Variants in CLYBL observed in about 807,000 individuals in gnomAD.
CLYBL encodes citramalyl-CoA lyase, also known as citramalyl-CoA lyase, mitochondrial.
A neutral mutation model predicts 38.9 loss-of-function variants in CLYBL; 31 were observed. The ratio of observed to expected loss-of-function variants is 0.80; its 90% CI spans 0.60 to 1.08. The LOEUF (loss-of-function observed/expected upper bound fraction) is 1.08, where lower values mean the gene tolerates loss of function less well. Among genes scored for constraint, CLYBL ranks in the 50% least tolerant of loss-of-function variants. The pLI, the probability that CLYBL is intolerant of heterozygous loss-of-function variation, is 0.00. For synonymous variants in CLYBL, 171 were observed against 158.6 expected, an observed-to-expected ratio of 1.08 and a Z score of -0.59; for missense variants, 434 against 411.6, an observed-to-expected ratio of 1.05 and a Z score of -0.47.
intron 1 of CLYBL, among the ~76,000 whole-genome samples, chr13:99,747,797 A>T (rs920166906): frequency 6.6e-6 from 1 of 152,186 alleles, no homozygotes; most frequent in African/African-American, 2.4e-5. Context: ...GGCCTTCCTT[A>T]GCGAGGGCCA....
intron 2 of CLYBL, among the ~76,000 whole-genome samples, chr13:99,800,742 C>T (rs541049726): frequency 6.6e-6 from 1 of 152,056 alleles, no homozygotes; most frequent in South Asian, 2.1e-4. Context: ...GGCATGGTGG[C>T]GCATGCCTTT....
intron 1 of CLYBL, among the ~76,000 whole-genome samples, chr13:99,724,312 A>G (rs545050863): frequency 1.3e-5 from 2 of 152,186 alleles, no homozygotes; most frequent in East Asian, 1.9e-4. Flanking sequence ...ATTTTCCCCT[A>G]TTTGCCTTTC....
intron 1 of CLYBL, among the ~76,000 whole-genome samples, chr13:99,683,578 G>A (rs1034620763): frequency 6.6e-6 from 1 of 151,598 alleles, no homozygotes; most frequent in African/African-American, 2.4e-5. Flanking sequence ...GCCTACACAG[G>A]GTCAGGATCA....
At chr13:99,885,229 A>G (rs2052320962) in intron 7 of CLYBL, 1 of 380,310 alleles carries the variant, frequency 2.6e-6, no homozygotes, top group Admixed American at 3.2e-5. Context: ...GAAAGGGTGG[A>G]GAGGGATTTG....
At chr13:99,631,623 G>C (rs1260476748) in intron 1 of CLYBL, among the ~76,000 whole-genome samples, 1 of 151,344 alleles carries the variant, frequency 6.6e-6, no homozygotes, top group African/African-American at 2.4e-5. Context: ...TTTTGAGTTG[G>C]AGTCTCGCTC....
At chr13:99,710,263 A>G (rs1450041218) in intron 1 of CLYBL, among the ~76,000 whole-genome samples, 1 of 152,080 alleles carries the variant, frequency 6.6e-6, no homozygotes, top group African/African-American at 2.4e-5. Context: ...GTTTGTTTTT[A>G]AAGACACTTG....
intron 7 of CLYBL, among the ~76,000 whole-genome samples, chr13:99,871,990 C>CAA (rs113487766): frequency 2.7e-3 from 319 of 119,400 alleles, no homozygotes; most frequent in African/African-American, 8.1e-3. Context: ...TTCCCCCCTG[C>CAA]AAAAAAAAAA....
intron 1 of CLYBL, among the ~76,000 whole-genome samples, chr13:99,649,376 G>C (rs560814468): frequency 6.6e-6 from 1 of 152,230 alleles, no homozygotes; most frequent in South Asian, 2.1e-4. Context: ...TTCATATACT[G>C]GTGCAGGTGC....
Position 99,865,096 on chromosome 13 carries a change from C to T in CLYBL, c.634+185C>T. On this transcript the variant is annotated intron_variant, in intron 5 of 8. Coordinates refer to ENST00000339105, the MANE Select transcript of CLYBL (RefSeq NM_206808.5). The surrounding 1 kb of genome is among the most constrained non-coding windows in gnomAD (Gnocchi z 4.7). ...GATAATTTAGGGCTCCTCATAGCTGCCCTGCTTCTAGAGCACTGCATTATT... is the reference window on the plus strand; with the variant it reads ...GATAATTTAGGGCTCCTCATAGCTGTCCTGCTTCTAGAGCACTGCATTATT... The T allele has an allele frequency of 1.5e-6, 1 of 646,908 alleles. No individual in the cohort carries two copies. The highest frequency in any genetic ancestry group is 2.9e-6 in the Non-Finnish European group (1 of 344,020). 40.1% of individuals were successfully genotyped at this position (646,908 alleles called of 1,614,324 possible). A position where few individuals can be genotyped will look rare whatever the true frequency, so the allele number is the denominator to read the frequency against.
At chr13:99,854,099 T>C (rs1004350021) in intron 2 of CLYBL, among the ~76,000 whole-genome samples, 4 of 152,222 alleles carry the variant, frequency 2.6e-5, no homozygotes, top group Non-Finnish European at 4.4e-5. Flanking sequence ...ACAAATGTTG[T>C]GGATCTCCCT....
intron 1 of CLYBL, among the ~76,000 whole-genome samples, chr13:99,625,024 CAT>C (rs577764867): frequency 1.3e-5 from 2 of 152,220 alleles, no homozygotes; most frequent in Non-Finnish European, 2.9e-5. Flanking sequence ...AGTGTGGACT[CAT>C]AGGCTCAGTT....
intron 1 of CLYBL, among the ~76,000 whole-genome samples, chr13:99,637,329 ATCTC>A (rs2047032286): frequency 6.6e-6 from 1 of 152,182 alleles, no homozygotes; most frequent in Admixed American, 6.5e-5. Flanking sequence ...ATGAAAACCC[ATCTC>A]TGGAGGTGTA....
At chr13:99,681,646 G>A (rs552677736) in intron 1 of CLYBL, among the ~76,000 whole-genome samples, 3 of 151,622 alleles carry the variant, frequency 2.0e-5, no homozygotes, top group Admixed American at 6.5e-5. Flanking sequence ...GAGTTCAGTG[G>A]CACGGTCTCG....
At chr13:99,810,045 A>G (rs1170385746) in intron 2 of CLYBL, among the ~76,000 whole-genome samples, 1 of 152,236 alleles carries the variant, frequency 6.6e-6, no homozygotes, top group Non-Finnish European at 1.5e-5. Context: ...TTTTATTATT[A>G]TCACATGGGA....
At chr13:99,650,763 T>C (rs1419939550) in intron 1 of CLYBL, among the ~76,000 whole-genome samples, 1 of 152,076 alleles carries the variant, frequency 6.6e-6, no homozygotes, top group Non-Finnish European at 1.5e-5. Context: ...TTTCTGGGAC[T>C]CTCCTCTCTC....
At chr13:99,839,523 T>A (rs2051017920) in intron 2 of CLYBL, among the ~76,000 whole-genome samples, 1 of 152,126 alleles carries the variant, frequency 6.6e-6, no homozygotes, top group Admixed American at 6.5e-5. Context: ...TGATGATGTT[T>A]ACAAAATACA....
chr13:99,831,965 C>G (rs2050813121), intron 2 of CLYBL, among the ~76,000 whole-genome samples: 1 of 152,166 alleles, frequency 6.6e-6, no homozygotes, highest in African/African-American at 2.4e-5. Context: ...ATTTCTTGGC[C>G]TCTTCTCAGA....
Position 99,690,192 on chromosome 13 carries a change from A to G in CLYBL, c.63-82632A>G, listed in dbSNP as rs569479074. Reference sequence around the variant, plus strand: ...GCATGTAGTTTGGTCATTTGGCGCCATCTTCTTTTTTATTGTTAAATCCAC... The same window carrying G: ...GCATGTAGTTTGGTCATTTGGCGCCGTCTTCTTTTTTATTGTTAAATCCAC... On this transcript the variant is annotated intron_variant, in intron 1 of 8. Coordinates refer to ENST00000339105, the MANE Select transcript of CLYBL (RefSeq NM_206808.5). 1.1e-4 allele frequency: 17 copies of G among 152,282 alleles called. No individual in the cohort carries two copies. The East Asian group carries it at 1.9e-3, about 17-fold the overall frequency. The allele number at this position is 152,282 out of a possible 1,614,324, so 9.4% of individuals were successfully genotyped here.
intron 1 of CLYBL, among the ~76,000 whole-genome samples, chr13:99,698,002 T>A (rs899852212): frequency 1.3e-5 from 2 of 152,128 alleles, no homozygotes; most frequent in African/African-American, 4.8e-5. Flanking sequence ...AACAGGTATA[T>A]TTGGGAATGT....
Sources: allele counts gnomAD v4.1 joint callset (sites outside exome capture counted in the v4.1 genomes callset), GRCh38; gene constraint gnomAD v4.1.1; non-coding constraint Gnocchi (gnomAD v3.1); transcripts MANE v1.5; gene names NCBI Gene and HGNC (gene_info 2026-07-23, HGNC 2026-07-21).